The following TMEM120B variants were observed in gnomAD, a reference collection of about 807,000 sequenced individuals.
The protein encoded by TMEM120B is transmembrane protein 120B.
TMEM120B carries 31 observed loss-of-function variants against 55.5 expected under a neutral mutation model. The observed-to-expected ratio is 0.56, with a 90% CI of 0.42 to 0.75. TMEM120B has a LOEUF of 0.75. Ranked by LOEUF, TMEM120B falls within the 30% of genes least tolerant of loss-of-function variation. TMEM120B has a pLI of 0.00. For synonymous variants in TMEM120B, 203 were observed against 176.3 expected (o/e 1.15, Z -1.20); for missense variants, 399 against 425.5 (o/e 0.94, Z 0.55).
At chr12:121,774,406 C>CTG (rs1387595225) in intron 9 of TMEM120B, among the ~76,000 whole-genome samples, 1 of 152,126 alleles carries the variant, frequency 6.6e-6, no homozygotes, top group Non-Finnish European at 1.5e-5. Context: ...AACAACATAG[C>CTG]GCCCAGTGTC....
intron 1 of TMEM120B, among the ~76,000 whole-genome samples, chr12:121,738,127 C>T (rs1011773610): frequency 4.6e-5 from 7 of 150,652 alleles, no homozygotes; most frequent in East Asian, 2.0e-4. Flanking sequence ...GGCATGGTGG[C>T]GCATGCCTGT....
intron 1 of TMEM120B, among the ~76,000 whole-genome samples, chr12:121,736,675 G>A (rs1438651740): frequency 6.6e-6 from 1 of 152,090 alleles, no homozygotes; most frequent in East Asian, 1.9e-4. Context: ...TCAGCCTCTG[G>A]AGTAGCTGGG....
In TMEM120B at chr12:121,780,851, AG is replaced by A; in HGVS notation, c.*5132del. 1 of 1,607,428 alleles carries A rather than the reference AG, an allele frequency of 6.2e-7. No homozygotes were observed. Among genetic ancestry groups the A allele is most frequent in the Non-Finnish European group, 8.5e-7 (1 of 1,177,172 alleles). ...GGCTTCACAGCCACGGCTGTGCCCC[AG>A]GGTCTTGGCCCCGGCCCACCTGCAT... On this transcript the variant is annotated 3_prime_UTR_variant, in exon 12 of 12. Transcript: ENST00000449592.
intron 5 of TMEM120B, chr12:121,758,159 G>A: frequency 1.0e-6 from 1 of 985,420 alleles, no homozygotes; most frequent in South Asian, 4.7e-5. Context: ...AGACAGACTG[G>A]CAGTGGTGGG....
intron 1 of TMEM120B, among the ~76,000 whole-genome samples, chr12:121,733,735 G>A (rs1895048468): frequency 6.7e-6 from 1 of 148,798 alleles, no homozygotes; most frequent in African/African-American, 2.5e-5. Context: ...ATGGGGTTTC[G>A]CCATGTAGGC....
intron 6 of TMEM120B, among the ~76,000 whole-genome samples, chr12:121,763,656 T>A (rs1224699154): frequency 6.6e-6 from 1 of 152,166 alleles, no homozygotes; most frequent in Non-Finnish European, 1.5e-5. Context: ...TTGGCCAGGC[T>A]GGTCTCAAAC....
At chr12:121,757,516 TA>T in intron 5 of TMEM120B, among the ~76,000 whole-genome samples, 1 of 138,874 alleles carries the variant, frequency 7.2e-6, no homozygotes, top group Non-Finnish European at 1.5e-5. Context: ...TAATTATTAT[TA>T]TTATTTATTT....
intron 1 of TMEM120B, among the ~76,000 whole-genome samples, chr12:121,716,183 T>C (rs1029953964): frequency 2.0e-5 from 3 of 151,232 alleles, no homozygotes; most frequent in Admixed American, 6.6e-5. Flanking sequence ...TGGTGCATGG[T>C]TGTGGTCCCA....
chr12:121,752,158 C>T lies in TMEM120B; in HGVS notation c.396C>T (p.Phe132=), dbSNP rs1873351318. The T allele has an allele frequency of 1.2e-6, 2 of 1,613,662 alleles. No homozygotes were observed. Among genetic ancestry groups the T allele is most frequent in the Non-Finnish European group, 1.7e-6 (2 of 1,179,920 alleles). Residue 132 remains phenylalanine (F), a synonymous_variant, in exon 5 of 12, where the codon TTC becomes TTT. Transcript: ENST00000449592. ...CCTACAAGGACGAATATGAGAAGTT[C>T]AAGCTCTACCTGACCATCATCCTGC... ...KFAYKDEYEK[F]KLYLTIILLL...
chr12:121,740,457 C>T (rs1335203776), intron 1 of TMEM120B, among the ~76,000 whole-genome samples: 1 of 151,676 alleles, frequency 6.6e-6, no homozygotes, highest in Non-Finnish European at 1.5e-5. Context: ...TGCACTCCAG[C>T]CTGGGCAACA....
chr12:121,737,693 C>T (rs1872791689), intron 1 of TMEM120B, among the ~76,000 whole-genome samples: 1 of 151,804 alleles, frequency 6.6e-6, no homozygotes, highest in South Asian at 2.1e-4. Flanking sequence ...GCAAGCAGTT[C>T]CTAATAAAAA....
intron 1 of TMEM120B, among the ~76,000 whole-genome samples, chr12:121,718,570 T>C (rs1894742987): frequency 6.6e-6 from 1 of 152,104 alleles, no homozygotes; most frequent in South Asian, 2.1e-4. Flanking sequence ...AGATTGAAGC[T>C]AAGAGATGCT....
Position 121,775,021 on chromosome 12 carries a change from G to A in TMEM120B, c.838-41G>A. 2 of 1,610,982 alleles carry A rather than the reference G, an allele frequency of 1.2e-6. No individual in the cohort carries two copies. Among genetic ancestry groups the A allele is most frequent in the Non-Finnish European group, 1.7e-6 (2 of 1,178,212 alleles). ...CCCTGGCTTTCTACGTGGCCGGCCA[G>A]GGGAGTCTGGTGGGTGAGCAGCGCC... On this transcript the variant is annotated intron_variant, in intron 10 of 11. Transcript: ENST00000449592. The surrounding 1 kb of genome is among the most constrained non-coding windows in gnomAD (Gnocchi z 4.3).
chr12:121,779,119 T>G lies in TMEM120B; in HGVS notation c.*3397T>G, dbSNP rs1468811311. On this transcript the variant is annotated 3_prime_UTR_variant, in exon 12 of 12. Transcript: ENST00000449592. The stretch of plus-strand genomic sequence containing the variant: ...AGGCAGGGACACAGGAGTGGCAGGC[T>G]TGGGGCGCCCGCGTGGAACAGTGCC... 2 of 203,600 alleles carry G rather than the reference T, an allele frequency of 9.8e-6. No homozygotes were observed. Among genetic ancestry groups the G allele is most frequent in the African/African-American group, 4.6e-5 (2 of 43,798 alleles). The allele number at this position is 203,600 out of a possible 1,614,324, so 12.6% of individuals were successfully genotyped here.
In TMEM120B at chr12:121,748,479, C is replaced by G. The variant is rs930398100; in HGVS notation, c.305+37C>G. The G allele has an allele frequency of 2.1e-6, 3 of 1,430,170 alleles. No individual in the cohort carries two copies. In the South Asian group the frequency reaches 3.6e-5, roughly 17 times the overall value. The allele number at this position is 1,430,170 out of a possible 1,614,324, so 88.6% of individuals were successfully genotyped here. ...CAACCTCCCCACCCCTAGCACAGGC[C>G]CATGCCCAGGCCTAGCACAGCTGGT... On this transcript the variant is annotated intron_variant, in intron 3 of 11. Coordinates refer to ENST00000449592, the MANE Select transcript of TMEM120B (RefSeq NM_001080825.2).
At chr12:121,713,003 G>C in intron 1 of TMEM120B, 39 bp downstream of exon 1, 1 of 1,472,232 alleles carries the variant, frequency 6.8e-7, no homozygotes, top group Non-Finnish European at 9.1e-7. Flanking sequence ...TCTGCTGCCC[G>C]CGGTGCAGCG....
intron 6 of TMEM120B, among the ~76,000 whole-genome samples, chr12:121,763,687 C>T (rs1873756527): frequency 6.6e-6 from 1 of 152,154 alleles, no homozygotes; most frequent in African/African-American, 2.4e-5. Context: ...AAGTGATCTG[C>T]CCTCCTTGGC....
chr12:121,723,937 A>C (rs1166523489), intron 1 of TMEM120B, among the ~76,000 whole-genome samples: 2 of 151,254 alleles, frequency 1.3e-5, no homozygotes, highest in Non-Finnish European at 2.9e-5. Context: ...AGTAGCTGTG[A>C]CTACAGGCAC....
intron 5 of TMEM120B, among the ~76,000 whole-genome samples, 182 bp from the exon 6 acceptor site, chr12:121,761,467 G>A (rs192229769): frequency 2.6e-5 from 4 of 152,124 alleles, no homozygotes; most frequent in Non-Finnish European, 5.9e-5. Flanking sequence ...GCATTTGCAG[G>A]GCCGGGGAAG....
Sources: gnomAD v4.1 joint callset for allele counts (sites outside exome capture counted in the v4.1 genomes callset) on GRCh38, gnomAD v4.1.1 for gene constraint, Gnocchi (gnomAD v3.1) non-coding constraint, MANE v1.5 for transcripts, NCBI Gene and HGNC (gene_info 2026-07-23, HGNC 2026-07-21) for gene names.